Variants in PCDH8 observed in about 807,000 individuals in gnomAD.
PCDH8 encodes the protein protocadherin-8.
A neutral mutation model predicts 58.2 loss-of-function variants in PCDH8; 36 were observed. The observed-to-expected ratio is 0.62, with a 90% confidence interval of 0.47 to 0.82. The LOEUF (loss-of-function observed/expected upper bound fraction) is 0.82, where lower values mean the gene tolerates loss of function less well. Among genes scored for constraint, PCDH8 ranks in the 40% least tolerant of loss-of-function variants. The pLI, the probability that PCDH8 is intolerant of heterozygous loss-of-function variation, is 0.00. For missense variants in PCDH8, 1,493 were observed against 1,567.8 expected (o/e 0.95, Z 0.81); for synonymous variants, 775 against 728.9 (o/e 1.06, Z -1.02).
At position 52,847,789 on chromosome 13, in the gene PCDH8, C is replaced by T. The variant is rs1197829454; in HGVS notation, c.648G>A (p.Val216=). 2.0e-6 allele frequency: 3 copies of T among 1,471,628 alleles called. No homozygotes were observed. Among genetic ancestry groups the T allele is most frequent in the Non-Finnish European group, 2.7e-6 (3 of 1,120,498 alleles). 91.2% of individuals were successfully genotyped at this position (1,471,628 alleles called of 1,614,324 possible). A position where few individuals can be genotyped will look rare whatever the true frequency, so the allele number is the denominator to read the frequency against. The change falls in exon 1 of 3, where the codon GTG becomes GTA. Residue 216 remains valine, a synonymous_variant. Transcript: ENST00000377942. The part of the protein sequence containing the change: ...ESQAAYSLEL[V]AQDGGRPPRS... ...GCGGCGGGCGGCCGCCGTCCTGGGC[C>T]ACCAGCTCCAGGCTGTAGGCGGCCT...
rs1202765862 is a variant in PCDH8 at position 52,846,791 on chromosome 13, G to C, written c.1646C>G (p.Ser549Cys). The C allele has an allele frequency of 1.9e-6, 3 of 1,560,100 alleles. No individual in the cohort carries two copies. In the African/African-American group the frequency reaches 4.1e-5, roughly 21 times the overall value. The change falls in exon 1 of 3, where the codon TCC becomes TGC. Residue 549 changes from serine (S) to cysteine (C), a missense_variant. By Grantham distance (112) the Ser-to-Cys change is moderately radical. This residue lies in a region of PCDH8 where 1,307 missense variants were observed against 1,362.7 expected (regional missense o/e 0.96). Transcript: ENST00000377942. ...AEVGRAGGAVSTYVSVDPATG... is the reference protein window; with the variant it reads ...AEVGRAGGAVCTYVSVDPATG... ...AGCTGGGTCCACCGAGACATAAGTG[G>C]ACACGGCGCCCCCGGCGCGGCCCAC...
At position 52,846,241 on chromosome 13, in the gene PCDH8, C is replaced by A. The variant is rs1473002965; in HGVS notation, c.2196G>T (p.Pro732=). The A allele has an allele frequency of 3.8e-6, 6 of 1,583,088 alleles. No homozygotes were observed. Among genetic ancestry groups the A allele is most frequent in the South Asian group, 1.1e-5 (1 of 88,640 alleles). Residue 732 remains proline, a synonymous_variant, in exon 1 of 3, where the codon CCG becomes CCT. Transcript: ENST00000377942. ...ASAGSPERSR[P]PGSRLGVSGS... The stretch of plus-strand genomic sequence containing the variant: ...CGGACACCCCGAGCCGAGAGCCAGG[C>A]GGGCGGGAACGCTCCGGGCTTCCTG...
In PCDH8 at chr13:52,846,794, A is replaced by G. The variant is rs1259314350; in HGVS notation, c.1643T>C (p.Val548Ala). 1 of 1,558,240 alleles carries G rather than the reference A, an allele frequency of 6.4e-7. No homozygotes were observed. Among genetic ancestry groups the G allele is most frequent in the Non-Finnish European group, 8.6e-7 (1 of 1,158,986 alleles). ...TGGGTCCACCGAGACATAAGTGGACACGGCGCCCCCGGCGCGGCCCACCTC... is the reference window on the plus strand; with the variant it reads ...TGGGTCCACCGAGACATAAGTGGACGCGGCGCCCCCGGCGCGGCCCACCTC... ...EAEVGRAGGA[V>A]STYVSVDPAT... Residue 548 changes from valine (V) to alanine (A), a missense_variant, in exon 1 of 3, where the codon GTG becomes GCG. Val to Ala is a moderately conservative substitution (Grantham distance 64). Transcript: ENST00000377942.
In PCDH8 at chr13:52,846,191, G is replaced by T; in HGVS notation, c.2246C>A (p.Pro749Gln). The change falls in exon 1 of 3, where the codon CCG becomes CAG. Residue 749 changes from proline to glutamine, a missense_variant. By Grantham distance (76) the Pro-to-Gln change is moderately conservative. Around this residue, in one of 3 missense-constraint regions of PCDH8, gnomAD observed 1,307 missense variants for 1,362.7 expected, o/e 0.96. Coordinates refer to ENST00000377942, the MANE Select transcript of PCDH8 (RefSeq NM_002590.4). ...GGCCAGCACGATGATGACGATCAGC[G>T]GCGTGTCCCATTGCAGCACCGACCC... ...VSGSVLQWDTPLIVIIVLAGS... is the reference protein window; with the variant it reads ...VSGSVLQWDTQLIVIIVLAGS... The T allele has an allele frequency of 6.3e-7, 1 of 1,587,668 alleles. No homozygotes were observed. Among genetic ancestry groups the T allele is most frequent in the Non-Finnish European group, 8.5e-7 (1 of 1,175,154 alleles).
chr13:52,846,456 C>G lies in PCDH8; in HGVS notation c.1981G>C (p.Ala661Pro). ...FELQQQEPRE[A>P]FAIGRRTGEI... ...CCCGTGCGGCGGCCGATGGCGAAGGCTTCGCGCGGCTCCTGCTGCTGCAGC... is the reference window on the plus strand; with the variant it reads ...CCCGTGCGGCGGCCGATGGCGAAGGGTTCGCGCGGCTCCTGCTGCTGCAGC... Residue 661 changes from alanine (A) to proline (P), a missense_variant, in exon 1 of 3, where the codon GCC becomes CCC. Transcript: ENST00000377942. 6.3e-7 allele frequency: 1 copy of G among 1,599,092 alleles called. No homozygotes were observed. The highest frequency in any genetic ancestry group is 8.5e-7 in the Non-Finnish European group (1 of 1,179,452).
Position 52,846,140 on chromosome 13 carries a change from GCGGCCAGCAGCAGCGTGCAGCTCC to G in PCDH8, c.2273_2296del (p.Gly758_Ala765del), listed in dbSNP as rs1384694028. ...GCAGGTGGTGGCGATGGCGATGATGGCGGCCAGCAGCAGCGTGCAGCTCCCGGCCAGCACGATGATGACGATCAG... is the reference window on the plus strand; with the variant it reads ...GCAGGTGGTGGCGATGGCGATGATGGCGGCCAGCACGATGATGACGATCAG... On this transcript the variant is annotated inframe_deletion, in exon 1 of 3. Transcript: ENST00000377942. 1 of 1,582,148 alleles carries G rather than the reference GCGGCCAGCAGCAGCGTGCAGCTCC, an allele frequency of 6.3e-7. No homozygotes were observed. Among genetic ancestry groups the G allele is most frequent in the African/African-American group, 1.4e-5 (1 of 71,790 alleles).
Position 52,846,548 on chromosome 13 carries a change from T to G in PCDH8, c.1889A>C (p.Asp630Ala). 6.2e-7 allele frequency: 1 copy of G among 1,601,678 alleles called. No individual in the cohort carries two copies. Among genetic ancestry groups the G allele is most frequent in the Non-Finnish European group, 8.5e-7 (1 of 1,178,886 alleles). The change falls in exon 1 of 3, where the codon GAC (aspartate) becomes GCC (alanine). Residue 630 changes from aspartate (D) to alanine (A), a missense_variant. Asp to Ala is a moderately radical substitution (Grantham distance 126). Around this residue, in one of 3 missense-constraint regions of PCDH8, gnomAD observed 1,307 missense variants for 1,362.7 expected, o/e 0.96. Coordinates refer to ENST00000377942, the MANE Select transcript of PCDH8 (RefSeq NM_002590.4). ...EVAVPGRTAK[D>A]TVVARVQARD... ...GGCCTGCACACGGGCCACAACCGTGTCCTTTGCGGTGCGCCCAGGCACCGC... is the reference window on the plus strand; with the variant it reads ...GGCCTGCACACGGGCCACAACCGTGGCCTTTGCGGTGCGCCCAGGCACCGC...
chr13:52,845,430 T>G lies in PCDH8; in HGVS notation c.2834A>C (p.Gln945Pro). Residue 945 changes from glutamine (Q) to proline (P), a missense_variant, in exon 2 of 3, where the codon CAG (glutamine) becomes CCG (proline). Gln to Pro is a moderately conservative substitution (Grantham distance 76, BLOSUM62 -1). Coordinates refer to ENST00000377942, the MANE Select transcript of PCDH8 (RefSeq NM_002590.4). ...ALKKDLINHMQSGLWACTAEC... is the reference protein window; with the variant it reads ...ALKKDLINHMPSGLWACTAEC... ...CGGGAAAGAAGAGTCCTCACCACTC[T>G]GCATGTGGTTGATGAGATCCTTTTT... 1 of 1,613,666 alleles carries G rather than the reference T, an allele frequency of 6.2e-7. No individual in the cohort carries two copies. The highest frequency in any genetic ancestry group is 8.5e-7 in the Non-Finnish European group (1 of 1,179,542).
chr13:52,844,695 A>C lies in PCDH8; in HGVS notation c.3078T>G (p.Tyr1026Ter). The C allele has an allele frequency of 2.5e-6, 4 of 1,614,164 alleles. No homozygotes were observed. The highest frequency in any genetic ancestry group is 1.7e-5 in the Admixed American group (1 of 60,030). Residue 1026 changes from tyrosine to a stop codon, truncating the protein, a stop_gained, in exon 3 of 3, where the codon TAT becomes TAG. Transcript: ENST00000377942. LOFTEE classifies it high-confidence loss of function. ...GGGAGAGCAGAGTGACTGTCCTGTCATAGTCTCTGTGCAGTACTTTCTCAT... is the reference window on the plus strand; with the variant it reads ...GGGAGAGCAGAGTGACTGTCCTGTCCTAGTCTCTGTGCAGTACTTTCTCAT... ...SVYEKVLHRD[Y>*]DRTVTLLSPP...
chr13:52,847,792 C>A lies in PCDH8; in HGVS notation c.645G>T (p.Leu215=). 1 of 1,470,484 alleles carries A rather than the reference C, an allele frequency of 6.8e-7. No homozygotes were observed. Among genetic ancestry groups the A allele is most frequent in the Non-Finnish European group, 8.9e-7 (1 of 1,120,104 alleles). The allele number at this position is 1,470,484 out of a possible 1,614,324, so 91.1% of individuals were successfully genotyped here. A position where few individuals can be genotyped will look rare whatever the true frequency, so the allele number is the denominator to read the frequency against. Residue 215 remains leucine (L), a synonymous_variant, in exon 1 of 3, where the codon CTG becomes CTT. Coordinates refer to ENST00000377942, the MANE Select transcript of PCDH8 (RefSeq NM_002590.4). ...GCGGGCGGCCGCCGTCCTGGGCCAC[C>A]AGCTCCAGGCTGTAGGCGGCCTGGC... The part of the protein sequence containing the change: ...RESQAAYSLE[L]VAQDGGRPPR...
chr13:52,847,495 G>A lies in PCDH8; in HGVS notation c.942C>T (p.Tyr314=). 1.9e-6 allele frequency: 3 copies of A among 1,589,820 alleles called. No individual in the cohort carries two copies. Among genetic ancestry groups the A allele is most frequent in the Non-Finnish European group, 2.6e-6 (3 of 1,174,612 alleles). The change falls in exon 1 of 3, where the codon TAC becomes TAT. Residue 314 remains tyrosine (Y), a synonymous_variant. Transcript: ENST00000377942. The stretch of plus-strand genomic sequence containing the variant: ...CCAGCTCGTAGGTGTCCTGACGCTC[G>A]TAGTCCACGGGCCCGGCCAGGGTGA... ...GRLTLAGPVD[Y]ERQDTYELDV...
rs576979595 is a variant in PCDH8 at position 52,844,498 on chromosome 13, G to A, written c.*62C>T. 6 of 1,408,190 alleles carry A rather than the reference G, an allele frequency of 4.3e-6. No homozygotes were observed. The highest frequency in any genetic ancestry group is 2.9e-5 in the African/African-American group (2 of 69,646). 87.2% of individuals were successfully genotyped at this position (1,408,190 alleles called of 1,614,324 possible). The stretch of plus-strand genomic sequence containing the variant: ...TATTTATATATACAACACTGAAACC[G>A]GTCAATAACTTAGGGGCTTCTCGGA... On this transcript the variant is annotated 3_prime_UTR_variant, in exon 3 of 3. Coordinates refer to ENST00000377942, the MANE Select transcript of PCDH8 (RefSeq NM_002590.4).
In PCDH8 at chr13:52,844,720, T is replaced by C; in HGVS notation, c.3053A>G (p.Tyr1018Cys). 6.2e-7 allele frequency: 1 copy of C among 1,614,084 alleles called. No individual in the cohort carries two copies. Among genetic ancestry groups the C allele is most frequent in the Non-Finnish European group, 8.5e-7 (1 of 1,179,946 alleles). Residue 1018 changes from tyrosine to cysteine, a missense_variant, in exon 3 of 3, where the codon TAT (tyrosine) becomes TGT (cysteine). Tyr to Cys is a radical substitution (Grantham distance 194). Coordinates refer to ENST00000377942, the MANE Select transcript of PCDH8 (RefSeq NM_002590.4). ...LPKTVGLQSV[Y>C]EKVLHRDYDR... ...ATAGTCTCTGTGCAGTACTTTCTCA[T>C]AGACGCTCTGCAGCCCCACTGTCTT...
chr13:52,846,784 A>T lies in PCDH8; in HGVS notation c.1653T>A (p.Tyr551Ter). The T allele has an allele frequency of 6.4e-7, 1 of 1,566,400 alleles. No individual in the cohort carries two copies. The highest frequency in any genetic ancestry group is 8.6e-7 in the Non-Finnish European group (1 of 1,163,418). Residue 551 changes from tyrosine to a stop codon, truncating the protein, a stop_gained, in exon 1 of 3, where the codon TAT becomes TAA. Transcript: ENST00000377942. LOFTEE classifies it high-confidence loss of function. ...CTCCGGTAGCTGGGTCCACCGAGAC[A>T]TAAGTGGACACGGCGCCCCCGGCGC... ...VGRAGGAVST[Y>*]VSVDPATGAI...
rs749578990 is a variant in PCDH8 at position 52,846,627 on chromosome 13, C to T, written c.1810G>A (p.Asp604Asn). ...GGGTGCACCAGGACTGGCGCATGGT[C>T]GTTCTGGTCCAGCACGCGCACTTGC... ...LVQVRVLDQN[D>N]HAPVLVHPAP... The change falls in exon 1 of 3, where the codon GAC becomes AAC. Residue 604 changes from aspartate to asparagine, a missense_variant. Transcript: ENST00000377942. The T allele has an allele frequency of 2.5e-6, 4 of 1,605,002 alleles. No individual in the cohort carries two copies. The South Asian group carries it at 3.3e-5, about 13-fold the overall frequency.
rs1173997318 is a variant in PCDH8, at chr13:52,848,156, C to G, written c.281G>C (p.Arg94Pro). 2.5e-6 allele frequency: 4 copies of G among 1,612,544 alleles called. No individual in the cohort carries two copies. The Admixed American group carries it at 5.0e-5, about 20-fold the overall frequency. ...TVGDAGLDRE[R>P]LCGQAPQCVL... Reference sequence around the variant, plus strand: ...GCACTGCGGGGCCTGGCCACACAGCCGCTCGCGGTCCAGGCCGGCGTCCCC... The same window carrying G: ...GCACTGCGGGGCCTGGCCACACAGCGGCTCGCGGTCCAGGCCGGCGTCCCC... The change falls in exon 1 of 3, where the codon CGG becomes CCG. Residue 94 changes from arginine (R) to proline (P), a missense_variant. Arg to Pro is a moderately radical substitution (Grantham distance 103). Transcript: ENST00000377942.
chr13:52,845,897 G>A lies in PCDH8; in HGVS notation c.2540C>T (p.Ala847Val). The A allele has an allele frequency of 1.4e-6, 2 of 1,481,098 alleles. No homozygotes were observed. The highest frequency in any genetic ancestry group is 1.8e-6 in the Non-Finnish European group (2 of 1,127,534). 91.7% of individuals were successfully genotyped at this position (1,481,098 alleles called of 1,614,324 possible). A position where few individuals can be genotyped will look rare whatever the true frequency, so the allele number is the denominator to read the frequency against. ...GCCGCCCTCTGAGCCCGGCACTTCG[G>A]CCGCGGCGACCGCAGGCGGAGGCGC... is the stretch of plus-strand genomic sequence containing the variant. ...ADAPPPAVAA[A>V]EVPGSEGGSA... is the part of the protein sequence containing the mutation. Residue 847 changes from alanine (A) to valine (V), a missense_variant, in exon 1 of 3, where the codon GCC (alanine) becomes GTC (valine). Coordinates refer to ENST00000377942, the MANE Select transcript of PCDH8 (RefSeq NM_002590.4).
Position 52,844,657 on chromosome 13 carries a change from C to T in PCDH8, c.3116G>A (p.Gly1039Glu). The T allele has an allele frequency of 1.9e-6, 3 of 1,614,064 alleles. No individual in the cohort carries two copies. The highest frequency in any genetic ancestry group is 3.3e-5 in the Admixed American group (2 of 60,018). Residue 1039 changes from glycine (G) to glutamate (E), a missense_variant, in exon 3 of 3, where the codon GGG becomes GAG. This residue lies in a region of PCDH8 where 182 missense variants were observed against 178.9 expected (regional missense o/e 1.02). Coordinates refer to ENST00000377942, the MANE Select transcript of PCDH8 (RefSeq NM_002590.4). ...TVTLLSPPRPGRLPDLQEIGV... is the reference protein window; with the variant it reads ...TVTLLSPPRPERLPDLQEIGV... ...AATCTCCTGCAGGTCTGGGAGCCTC[C>T]CTGGACGGGGAGGGGAGAGCAGAGT...
rs1369067735 is a variant in PCDH8 at position 52,847,553 on chromosome 13, C to T, written c.884G>A (p.Arg295His). The change falls in exon 1 of 3, where the codon CGC (arginine) becomes CAC (histidine). Residue 295 changes from arginine (R) to histidine (H), a missense_variant. Coordinates refer to ENST00000377942, the MANE Select transcript of PCDH8 (RefSeq NM_002590.4). ...FGARTPPEAR[R>H]LFRLDPRSGR... The stretch of plus-strand genomic sequence containing the variant: ...TGATCGCGGGTCAAGCCGAAAGAGG[C>T]GGCGCGCCTCCGGCGGGGTGCGGGC... The T allele has an allele frequency of 2.5e-6, 4 of 1,568,876 alleles. No homozygotes were observed. The highest frequency in any genetic ancestry group is 2.8e-5 in the African/African-American group (2 of 72,562).
Sources: allele counts gnomAD v4.1 joint callset, GRCh38; gene constraint gnomAD v4.1.1; regional missense constraint gnomAD v4.1.1; transcripts MANE v1.5; gene names NCBI Gene and HGNC (gene_info 2026-07-23, HGNC 2026-07-21).